IL1RL2: variants seen among roughly 807,000 people sequenced by gnomAD.
The protein encoded by IL1RL2 is interleukin-1 receptor-like 2.
A neutral mutation model predicts 66.8 loss-of-function variants in IL1RL2; 68 were observed. That is an observed-to-expected ratio of 1.02 (90% CI 0.84 to 1.25). The LOEUF (loss-of-function observed/expected upper bound fraction) is 1.25. Among genes scored for constraint, IL1RL2 ranks in the 50% most tolerant of loss-of-function variants. The pLI, the probability that IL1RL2 is intolerant of heterozygous loss-of-function variation, is 0.00. For missense variants in IL1RL2, 729 were observed against 709.3 expected (o/e 1.03, Z -0.32); for synonymous variants, 305 against 264.6 (o/e 1.15, Z -1.48).
intron 5 of IL1RL2, among the ~76,000 whole-genome samples, chr2:102,204,548 T>C (rs1035807734): frequency 6.6e-6 from 1 of 152,124 alleles, no homozygotes; most frequent in African/African-American, 2.4e-5. Context: ...TATTTGTTTT[T>C]ATATCTGAGT....
chr2:102,198,591 A>G (rs920433263), intron 4 of IL1RL2, among the ~76,000 whole-genome samples: 6 of 152,208 alleles, frequency 3.9e-5, no homozygotes, highest in Non-Finnish European at 5.9e-5. Flanking sequence ...GGGCACTCCC[A>G]TCAGCTAGGA....
intron 9 of IL1RL2, among the ~76,000 whole-genome samples, chr2:102,231,531 T>C (rs1397302649): frequency 6.7e-6 from 1 of 150,366 alleles, no homozygotes; most frequent in East Asian, 1.9e-4. Flanking sequence ...TAAAATAAAA[T>C]AAAATCCAGG....
intron 9 of IL1RL2, among the ~76,000 whole-genome samples, chr2:102,230,587 C>G (rs1021349023): frequency 2.6e-4 from 39 of 152,226 alleles, no homozygotes; most frequent in African/African-American, 8.4e-4. Flanking sequence ...CCTCTGCGCC[C>G]GGTCCTGCTC....
chr2:102,201,158 C>T (rs1688219557), intron 4 of IL1RL2, among the ~76,000 whole-genome samples: 1 of 152,044 alleles, frequency 6.6e-6, no homozygotes, highest in Non-Finnish European at 1.5e-5. Context: ...TTCATGTCCT[C>T]CTGCAAAAAA....
intron 6 of IL1RL2, among the ~76,000 whole-genome samples, chr2:102,214,049 AAAT>A (rs1379984858): frequency 6.6e-6 from 1 of 152,204 alleles, no homozygotes; most frequent in East Asian, 1.9e-4. Context: ...ACTTTCAAGG[AAAT>A]AATAATACCT....
intron 1 of IL1RL2, chr2:102,187,419 C>A: frequency 9.0e-7 from 1 of 1,115,080 alleles, no homozygotes; most frequent in South Asian, 2.0e-5. Flanking sequence ...GGGTGGATCC[C>A]GAGGACACAG....
At chr2:102,203,036 T>G (rs1688402790) in intron 5 of IL1RL2, among the ~76,000 whole-genome samples, 1 of 152,214 alleles carries the variant, frequency 6.6e-6, no homozygotes, top group Non-Finnish European at 1.5e-5. Flanking sequence ...TGGCTTTTAT[T>G]ACATTGAGAC....
At chr2:102,189,053 T>G in intron 2 of IL1RL2, 23 bp from the exon 3 acceptor site, 1 of 1,551,584 alleles carries the variant, frequency 6.4e-7, no homozygotes, top group Non-Finnish European at 8.9e-7. Context: ...GATAATTGTT[T>G]TGTTTTGTTT....
intron 6 of IL1RL2, among the ~76,000 whole-genome samples, chr2:102,218,484 C>T (rs1373515952): frequency 6.6e-6 from 1 of 152,102 alleles, no homozygotes; most frequent in African/African-American, 2.4e-5. Context: ...TGTTAGAAAT[C>T]TAGAGTTCAT....
chr2:102,230,111 G>T (rs1186325172), intron 9 of IL1RL2, among the ~76,000 whole-genome samples: 2 of 152,198 alleles, frequency 1.3e-5, no homozygotes, highest in Non-Finnish European at 2.9e-5. Context: ...TACCAGAGAG[G>T]TTATTCTCTG....
At chr2:102,237,606 G>A (rs1389227316) in intron 11 of IL1RL2, among the ~76,000 whole-genome samples, 1 of 152,214 alleles carries the variant, frequency 6.6e-6, no homozygotes, top group Non-Finnish European at 1.5e-5. Flanking sequence ...AATCCTCCAT[G>A]AGGAATAACG....
intron 6 of IL1RL2, among the ~76,000 whole-genome samples, chr2:102,215,863 C>T (rs1293911615): frequency 6.6e-6 from 1 of 152,186 alleles, no homozygotes; most frequent in African/African-American, 2.4e-5. Flanking sequence ...GATGCATCTA[C>T]AGAAAAAGTC....
chr2:102,204,255 T>C (rs1298539008), intron 5 of IL1RL2, among the ~76,000 whole-genome samples: 4 of 152,136 alleles, frequency 2.6e-5, no homozygotes, highest in Non-Finnish European at 4.4e-5. Context: ...TGCTTGATAT[T>C]ATTCCAATTT....
At chr2:102,242,556 T>C (rs962123175), downstream of IL1RL2, among the ~76,000 whole-genome samples, 1 of 152,056 alleles carries the variant, frequency 6.6e-6, no homozygotes. Context: ...GATGAGATGG[T>C]TCAGCTCAAG....
At chr2:102,213,462 T>C (rs1382242884) in intron 6 of IL1RL2, among the ~76,000 whole-genome samples, 3 of 152,218 alleles carry the variant, frequency 2.0e-5, no homozygotes, top group Non-Finnish European at 4.4e-5. Context: ...AATATAAACA[T>C]ATATCAAAAC....
At chr2:102,211,860 A>T (rs1353063667) in intron 5 of IL1RL2, among the ~76,000 whole-genome samples, 1 of 152,168 alleles carries the variant, frequency 6.6e-6, no homozygotes, top group Non-Finnish European at 1.5e-5. Context: ...AATATAGTTT[A>T]TGGTTTATAC....
chr2:102,234,771 A>C lies in IL1RL2; in HGVS notation c.1298-126A>C, dbSNP rs113439368. The C allele has an allele frequency of 2.0e-3, 1,658 of 834,536 alleles. 32 individuals carry two copies. The African/African-American group carries it at 0.026, about 13-fold the overall frequency. The allele number at this position is 834,536 out of a possible 1,614,324, so 51.7% of individuals were successfully genotyped here. A position where few individuals can be genotyped will look rare whatever the true frequency, so the allele number is the denominator to read the frequency against. ...CCCTGCACTCCAACCTGGGCAACAC[A>C]GTGAGACTTCACTTCAAAAAAAAAA... On this transcript the variant is annotated intron_variant, in intron 10 of 11. Transcript: ENST00000264257.
At chr2:102,215,247 C>A (rs975155703) in intron 6 of IL1RL2, among the ~76,000 whole-genome samples, 2 of 152,176 alleles carry the variant, frequency 1.3e-5, no homozygotes, top group African/African-American at 4.8e-5. Flanking sequence ...TCCCCTATGA[C>A]CCATGCTGCT....
At chr2:102,201,829 TGAAGGCTA>T in intron 5 of IL1RL2, 114 bp downstream of exon 5, 3 of 976,552 alleles carry the variant, frequency 3.1e-6, no homozygotes, top group Non-Finnish European at 4.6e-6. Flanking sequence ...TTGGTTTCCC[TGAAGGCTA>T]GTAGGCTCTC....
Sources: gnomAD v4.1 joint callset for allele counts (sites outside exome capture counted in the v4.1 genomes callset) on GRCh38, gnomAD v4.1.1 for gene constraint, MANE v1.5 for transcripts, NCBI Gene and HGNC (gene_info 2026-07-23, HGNC 2026-07-21) for gene names.